SYCE3: variants seen among roughly 807,000 people sequenced by gnomAD.
The protein encoded by SYCE3 is testis highly expressed gene 2 protein.
In SYCE3, 3 loss-of-function variants were observed where a neutral mutation model predicts 8.1. The ratio of observed to expected loss-of-function variants is 0.37; its 90% CI spans 0.17 to 0.96. SYCE3 has a LOEUF of 0.96. Among genes scored for constraint, SYCE3 ranks in the 40% least tolerant of loss-of-function variants. The pLI is 0.41. For missense variants in SYCE3, 83 were observed against 110.0 expected (o/e 0.75, Z 1.10); for synonymous variants, 36 against 38.7 (o/e 0.93, Z 0.26).
At chr22:50,555,802 T>C (rs2069854611) in intron 2 of SYCE3, among the ~76,000 whole-genome samples, 1 of 150,970 alleles carries the variant, frequency 6.6e-6, no homozygotes, top group South Asian at 2.1e-4. Flanking sequence ...TCTTTTTTTT[T>C]TTTTTTTTTG....
At chr22:50,553,605 G>C (rs775430019) in intron 2 of SYCE3, among the ~76,000 whole-genome samples, 1 of 152,032 alleles carries the variant, frequency 6.6e-6, no homozygotes, top group Non-Finnish European at 1.5e-5. Flanking sequence ...TCACAGAAGA[G>C]AGAGTCTCGC....
At chr22:50,551,570 C>T (rs553912174) in intron 2 of SYCE3, among the ~76,000 whole-genome samples, 168 bp from the exon 3 acceptor site, 1 of 152,308 alleles carries the variant, frequency 6.6e-6, no homozygotes, top group Admixed American at 6.5e-5. Flanking sequence ...TTGTTACAGG[C>T]TCATAAAAAC....
intron 1 of SYCE3, among the ~76,000 whole-genome samples, chr22:50,557,307 C>T (rs1452082803): frequency 6.6e-6 from 1 of 152,048 alleles, no homozygotes; most frequent in Non-Finnish European, 1.5e-5. Flanking sequence ...CAGGCAAGTG[C>T]CACCACGCCC....
intron 2 of SYCE3, among the ~76,000 whole-genome samples, chr22:50,555,843 G>C: frequency 6.7e-6 from 1 of 148,832 alleles, no homozygotes; most frequent in East Asian, 2.0e-4. Context: ...GCCCAGGCTG[G>C]AGTGCAGTGG....
At chr22:50,558,296 T>C (rs1029460438) in intron 1 of SYCE3, among the ~76,000 whole-genome samples, 1 of 151,942 alleles carries the variant, frequency 6.6e-6, no homozygotes, top group African/African-American at 2.4e-5. Context: ...TGGCGGCAGG[T>C]GCCTAATCCC....
intron 2 of SYCE3, among the ~76,000 whole-genome samples, chr22:50,552,754 G>A (rs779963867): frequency 1.4e-4 from 21 of 152,262 alleles, no homozygotes; most frequent in Non-Finnish European, 2.2e-4. Flanking sequence ...CCTAACCCCC[G>A]ACGTGATGGT....
At position 50,551,373 on chromosome 22, in the gene SYCE3, CCAT is replaced by C. The variant is rs756390413; in HGVS notation, c.136_138del (p.Met46del). ...AGCGTAGGGTTGGTGCGCATCACCA[CCAT>C]GTCATAGGCCATCCAGGTCGCCTGC... On this transcript the variant is annotated inframe_deletion, in exon 3 of 3. Transcript: ENST00000406915. 3 of 1,550,836 alleles carry C rather than the reference CCAT, an allele frequency of 1.9e-6. No homozygotes were observed. The highest frequency in any genetic ancestry group is 1.7e-6 in the Non-Finnish European group (2 of 1,146,958).
intron 1 of SYCE3, 123 bp downstream of exon 1, chr22:50,562,735 G>A (rs1459951059): frequency 1.3e-5 from 2 of 151,816 alleles, no homozygotes; most frequent in Non-Finnish European, 2.9e-5. Flanking sequence ...GTGGAGTTGG[G>A]TCGAAGTCAA....
chr22:50,552,253 C>T (rs1205727329), intron 2 of SYCE3, among the ~76,000 whole-genome samples: 2 of 152,156 alleles, frequency 1.3e-5, no homozygotes, highest in East Asian at 1.9e-4. Flanking sequence ...GCAGGGAGGC[C>T]GCAGACTACC....
chr22:50,560,396 A>T (rs1051485897), intron 1 of SYCE3, among the ~76,000 whole-genome samples: 1 of 152,136 alleles, frequency 6.6e-6, no homozygotes, highest in African/African-American at 2.4e-5. Context: ...GTGAGGTGGG[A>T]CAATTGTGCC....
At chr22:50,558,719 A>G (rs2069884937) in intron 1 of SYCE3, among the ~76,000 whole-genome samples, 1 of 152,162 alleles carries the variant, frequency 6.6e-6, no homozygotes. Flanking sequence ...GCAGGGGGCT[A>G]ATAGTGGGTG....
chr22:50,557,314 G>T (rs560715822), intron 1 of SYCE3, among the ~76,000 whole-genome samples: 1 of 151,812 alleles, frequency 6.6e-6, no homozygotes, highest in Non-Finnish European at 1.5e-5. Context: ...GTGCCACCAC[G>T]CCCGGCTAAT....
intron 1 of SYCE3, among the ~76,000 whole-genome samples, chr22:50,561,799 T>G (rs1202447831): frequency 6.6e-6 from 1 of 151,076 alleles, no homozygotes; most frequent in East Asian, 2.0e-4. Flanking sequence ...GCACCTGTGA[T>G]GTGGGAGAGA....
At position 50,560,193 on chromosome 22, in the gene SYCE3, G is replaced by T. The variant is rs192510078; in HGVS notation, c.-1+2665C>A. ...TGGGAGATATTACACCAGTGTCAAAGATTACAGTATTTGGGCATGGCAGGC... is the reference window on the plus strand; with the variant it reads ...TGGGAGATATTACACCAGTGTCAAATATTACAGTATTTGGGCATGGCAGGC... On this transcript the variant is annotated intron_variant, in intron 1 of 2. Coordinates refer to ENST00000406915, the MANE Select transcript of SYCE3 (RefSeq NM_001123225.3). 5.5e-3 allele frequency among the ~76,000 whole-genome samples: 836 copies of T among 152,302 alleles called. 6 individuals carry two copies. The highest frequency in any genetic ancestry group is 9.6e-3 in the Non-Finnish European group (654 of 68,022).
At chr22:50,560,822 T>G (rs1337184073) in intron 1 of SYCE3, among the ~76,000 whole-genome samples, 1 of 151,590 alleles carries the variant, frequency 6.6e-6, no homozygotes, top group Non-Finnish European at 1.5e-5. Flanking sequence ...TAAGGGAAGG[T>G]AAGGAGGTAG....
chr22:50,556,209 G>A (rs2069859102), intron 2 of SYCE3, 88 bp downstream of exon 2: 1 of 905,940 alleles, frequency 1.1e-6, no homozygotes, highest in Non-Finnish European at 1.7e-6. Flanking sequence ...CTGAGGCTGT[G>A]TCACAGGTGC....
intron 1 of SYCE3, among the ~76,000 whole-genome samples, chr22:50,559,628 A>G (rs1163215376): frequency 6.6e-6 from 1 of 152,172 alleles, no homozygotes; most frequent in Non-Finnish European, 1.5e-5. Flanking sequence ...CTTGGACCAG[A>G]GTGTTAGAAG....
At chr22:50,553,958 C>A (rs1386769284) in intron 2 of SYCE3, among the ~76,000 whole-genome samples, 1 of 151,972 alleles carries the variant, frequency 6.6e-6, no homozygotes, top group Non-Finnish European at 1.5e-5. Flanking sequence ...CTTCGGGAGG[C>A]CAAGGCAGGC....
intron 1 of SYCE3, among the ~76,000 whole-genome samples, chr22:50,558,919 G>T (rs898164114): frequency 2.0e-5 from 3 of 152,154 alleles, no homozygotes; most frequent in African/African-American, 7.2e-5. Context: ...GGCACTTTCT[G>T]TCTTTCTTTT....
Sources: gnomAD v4.1 joint callset for allele counts (sites outside exome capture counted in the v4.1 genomes callset) on GRCh38, gnomAD v4.1.1 for gene constraint, MANE v1.5 for transcripts, NCBI Gene and HGNC (gene_info 2026-07-23, HGNC 2026-07-21) for gene names.